The following ST18 variants were observed in gnomAD, a reference collection of about 807,000 sequenced individuals.
ST18 encodes the protein suppression of tumorigenicity 18 protein.
Under a neutral mutation model 110.0 loss-of-function variants are expected in ST18, and 50 were observed. The ratio of observed to expected loss-of-function variants is 0.45; its 90% CI spans 0.36 to 0.58. ST18 has a LOEUF of 0.58. Among genes scored for constraint, ST18 ranks in the 20% least tolerant of loss-of-function variants. The pLI, the probability that ST18 is intolerant of heterozygous loss-of-function variation, is 0.00. For missense variants in ST18, 1,306 were observed against 1,280.1 expected, an observed-to-expected ratio of 1.02 and a Z score of -0.31; for synonymous variants, 461 against 452.4, an observed-to-expected ratio of 1.02 and a Z score of -0.24.
At chr8:52,161,018 T>C (rs1479673683) in intron 14 of ST18, among the ~76,000 whole-genome samples, 3 of 152,204 alleles carry the variant, frequency 2.0e-5, no homozygotes, top group Non-Finnish European at 4.4e-5. Flanking sequence ...TACAAATAAA[T>C]ATTACTGCAT....
intron 2 of ST18, among the ~76,000 whole-genome samples, chr8:52,286,317 A>G (rs888109125): frequency 5.3e-5 from 8 of 152,148 alleles, no homozygotes. Context: ...ATCTTTTTTC[A>G]TTTTATATGT....
At chr8:52,270,652 C>T (rs955602580) in intron 2 of ST18, among the ~76,000 whole-genome samples, 1 of 152,086 alleles carries the variant, frequency 6.6e-6, no homozygotes, top group Admixed American at 6.5e-5. Flanking sequence ...TCATGTTGTA[C>T]ACCCTGAATA....
intron 2 of ST18, among the ~76,000 whole-genome samples, chr8:52,403,119 G>A (rs967194463): frequency 6.6e-6 from 1 of 152,024 alleles, no homozygotes; most frequent in Non-Finnish European, 1.5e-5. Flanking sequence ...CAACTTGGAT[G>A]GGGGAAATGG....
intron 22 of ST18, among the ~76,000 whole-genome samples, chr8:52,129,787 G>A (rs1326939504): frequency 2.0e-5 from 3 of 152,148 alleles, no homozygotes; most frequent in Non-Finnish European, 2.9e-5. Flanking sequence ...GCCCATGCCT[G>A]TAATTCCAGC....
chr8:52,366,147 G>A (rs781478546), intron 2 of ST18, among the ~76,000 whole-genome samples: 9 of 151,970 alleles, frequency 5.9e-5, no homozygotes, highest in Non-Finnish European at 1.3e-4. Context: ...ACCCAGGAAC[G>A]CAGTCTCAGG....
Position 52,133,128 on chromosome 8 carries a change from TC to T in ST18, c.2372del (p.Gly791AspfsTer12). The T allele has an allele frequency of 6.2e-7, 1 of 1,614,144 alleles. No homozygotes were observed. Among genetic ancestry groups the T allele is most frequent in the Non-Finnish European group, 8.5e-7 (1 of 1,180,020 alleles). On this transcript the variant is annotated frameshift_variant, in exon 21 of 26. Transcript: ENST00000689386. LOFTEE classifies it high-confidence loss of function. ...CACCACCTTTCCTTGCACGAGGGCA[TC>T]CGGACAAGCTGAAATAGGGACCCGA... ...GNYASHRSLS[G>X]CPRARKGGVK...
At chr8:52,190,603 A>G (rs1400127648) in intron 8 of ST18, among the ~76,000 whole-genome samples, 1 of 152,176 alleles carries the variant, frequency 6.6e-6, no homozygotes, top group Non-Finnish European at 1.5e-5. Context: ...GTTCTTTTCC[A>G]TCTCTATCGG....
chr8:52,162,364 G>A lies in ST18; in HGVS notation c.1401-796C>T, dbSNP rs147154950. Among the ~76,000 whole-genome samples the A allele has an allele frequency of 9.8e-5, 15 of 152,292 alleles. No homozygotes were observed. The East Asian group carries it at 2.9e-3, about 29-fold the overall frequency. On this transcript the variant is annotated intron_variant, in intron 13 of 25. Transcript: ENST00000689386. Reference sequence around the variant, plus strand: ...AAGTGTCATTATATTCTGTTCAGAAGTGATGCTAGGCTCTGCTCAGTCCTG... The same window carrying A: ...AAGTGTCATTATATTCTGTTCAGAAATGATGCTAGGCTCTGCTCAGTCCTG...
rs868650982 is a variant in ST18 at position 52,336,376 on chromosome 8, C to T, written c.-465+72952G>A. ...ATGTTGACCAGGCTGGTCTCAAACT[C>T]CTGGCATCAAGTGATCTGCCCACCT... On this transcript the variant is annotated intron_variant, in intron 2 of 25. Coordinates refer to ENST00000689386, the MANE Select transcript of ST18 (RefSeq NM_001352837.2). Among the ~76,000 whole-genome samples the T allele has an allele frequency of 7.9e-5, 12 of 152,134 alleles. No individual in the cohort carries two copies. The South Asian group carries it at 1.0e-3, about 13-fold the overall frequency.
At chr8:52,379,282 G>C (rs1213078837) in intron 2 of ST18, among the ~76,000 whole-genome samples, 1 of 151,768 alleles carries the variant, frequency 6.6e-6, no homozygotes, top group Non-Finnish European at 1.5e-5. Context: ...ATTTTTAGTA[G>C]AGACGGGGTT....
At chr8:52,239,533 G>A (rs1223429213) in intron 2 of ST18, among the ~76,000 whole-genome samples, 3 of 151,962 alleles carry the variant, frequency 2.0e-5, no homozygotes, top group Non-Finnish European at 4.4e-5. Flanking sequence ...GATGAGCCTA[G>A]ATAAGGTGGA....
At chr8:52,113,389 G>C (rs2041144564) in intron 25 of ST18, 51 bp from the exon 26 acceptor site, 1 of 1,597,712 alleles carries the variant, frequency 6.3e-7, no homozygotes. Context: ...CAGGCTGAGG[G>C]AAAAGAAGGA....
chr8:52,409,461 GAA>G lies in ST18; in HGVS notation c.-589-11_-589-10del, dbSNP rs1012007630. Reference sequence around the variant, plus strand: ...AGAAATTTTATTATTTTCTAAAGAAGAAAAAAAATATGATGTGAAAATTATCA... The same window carrying G: ...AGAAATTTTATTATTTTCTAAAGAAGAAAAAATATGATGTGAAAATTATCA... On this transcript the variant is annotated splice_polypyrimidine_tract_variant and intron_variant, in intron 1 of 25. Transcript: ENST00000689386. The G allele has an allele frequency of 9.2e-5, 14 of 151,774 alleles. No individual in the cohort carries two copies. Among genetic ancestry groups the G allele is most frequent in the African/African-American group, 3.1e-4 (13 of 41,328 alleles). The allele number at this position is 151,774 out of a possible 1,614,324, so 9.4% of individuals were successfully genotyped here. A position where few individuals can be genotyped will look rare whatever the true frequency, so the allele number is the denominator to read the frequency against.
chr8:52,255,973 G>A (rs2094515613), intron 2 of ST18, among the ~76,000 whole-genome samples: 1 of 152,128 alleles, frequency 6.6e-6, no homozygotes, highest in Admixed American at 6.5e-5. Context: ...ACTCCTTTCT[G>A]GCTGGCCCCA....
chr8:52,253,277 C>G (rs1007535836), intron 2 of ST18, among the ~76,000 whole-genome samples: 1 of 152,046 alleles, frequency 6.6e-6, no homozygotes, highest in Admixed American at 6.6e-5. Flanking sequence ...GAATATGAGG[C>G]AAAGTATTGT....
chr8:52,188,743 A>G (rs12545086), intron 8 of ST18, among the ~76,000 whole-genome samples: 33,800 of 152,170 alleles, frequency 0.22, 7,057 homozygotes, highest in African/African-American at 0.55. Context: ...AGCAGTGGTG[A>G]TGAGAACTGG....
intron 16 of ST18, among the ~76,000 whole-genome samples, chr8:52,146,780 T>C (rs2057425891): frequency 6.6e-6 from 1 of 152,210 alleles, no homozygotes; most frequent in Non-Finnish European, 1.5e-5. Context: ...ATACTGTTAG[T>C]AGATTACCTT....
intron 8 of ST18, among the ~76,000 whole-genome samples, chr8:52,189,646 C>A (rs761011787): frequency 1.3e-5 from 2 of 152,130 alleles, no homozygotes; most frequent in Non-Finnish European, 1.5e-5. Flanking sequence ...GACCTATGGT[C>A]GTTTACTTGG....
intron 2 of ST18, among the ~76,000 whole-genome samples, chr8:52,390,887 G>A (rs950820598): frequency 1.3e-5 from 2 of 152,198 alleles, no homozygotes; most frequent in Non-Finnish European, 2.9e-5. Flanking sequence ...AATTACACTC[G>A]GGCAGAGGCC....
Sources: allele counts gnomAD v4.1 joint callset (sites outside exome capture counted in the v4.1 genomes callset), GRCh38; gene constraint gnomAD v4.1.1; transcripts MANE v1.5; gene names NCBI Gene and HGNC (gene_info 2026-07-23, HGNC 2026-07-21).